The following OTOP2 variants were observed in gnomAD, a reference collection of about 807,000 sequenced individuals.
OTOP2 encodes the protein proton channel OTOP2.
OTOP2 carries 41 observed loss-of-function variants against 47.4 expected under a neutral mutation model. That is an observed-to-expected ratio of 0.87 (90% CI 0.67 to 1.12). The LOEUF (loss-of-function observed/expected upper bound fraction) is 1.12. Ranked by LOEUF, OTOP2 falls within the 50% of genes most tolerant of loss-of-function variation. OTOP2 has a pLI of 0.00. For missense variants in OTOP2, 721 were observed against 752.2 expected (o/e 0.96, Z 0.49); for synonymous variants, 328 against 319.6 (o/e 1.03, Z -0.28).
chr17:74,925,439 C>CT, intron 2 of OTOP2, 117 bp from the exon 3 acceptor site: 2 of 1,359,490 alleles, frequency 1.5e-6, no homozygotes. Context: ...AGTGCACTCA[C>CT]TCACCCATCC....
rs536607581 is a variant in OTOP2 at position 74,925,800 on chromosome 17, G to A, written c.450+108G>A. Reference sequence around the variant, plus strand: ...GAGCTCCATCCGCCTCGTATCCTGAGCTATTAAGTAAACCAGGGACAGGGC... The same window carrying A: ...GAGCTCCATCCGCCTCGTATCCTGAACTATTAAGTAAACCAGGGACAGGGC... On this transcript the variant is annotated intron_variant, in intron 3 of 6. Coordinates refer to ENST00000331427, the MANE Select transcript of OTOP2 (RefSeq NM_178160.3). 3.1e-5 allele frequency: 46 copies of A among 1,485,560 alleles called. No individual in the cohort carries two copies. The South Asian group carries it at 5.1e-4, about 16-fold the overall frequency. The allele number at this position is 1,485,560 out of a possible 1,614,324, so 92.0% of individuals were successfully genotyped here.
chr17:74,930,837 G>A lies in OTOP2; in HGVS notation c.1202G>A (p.Gly401Glu). ...GGCACACCCCAGGACCTGCTGGCAG[G>A]GCTCAACCTCACCCATGCACTGCTC... is the stretch of plus-strand genomic sequence containing the variant. The part of the protein sequence containing the change: ...VAGTPQDLLA[G>E]LNLTHALLMI... Residue 401 changes from glycine (G) to glutamate (E), a missense_variant, in exon 6 of 7, where the codon GGG (glycine) becomes GAG (glutamate). Transcript: ENST00000331427. The surrounding 1 kb of genome is among the most constrained non-coding windows in gnomAD (Gnocchi z 4.0). The A allele has an allele frequency of 6.2e-7, 1 of 1,614,086 alleles. No homozygotes were observed. Among genetic ancestry groups the A allele is most frequent in the Non-Finnish European group, 8.5e-7 (1 of 1,180,016 alleles).
intron 6 of OTOP2, among the ~76,000 whole-genome samples, chr17:74,931,948 T>C: frequency 9.6e-6 from 1 of 104,388 alleles, no homozygotes; most frequent in Admixed American, 1.2e-4. Context: ...AGAGTGACAC[T>C]CTGTCAAAAA....
intron 5 of OTOP2, chr17:74,928,054 G>A (rs1297061017): frequency 1.1e-5 from 5 of 465,398 alleles, no homozygotes; most frequent in African/African-American, 8.1e-5. Flanking sequence ...ACCAAGAAGG[G>A]ACCCAGGACC....
chr17:74,930,275 A>T lies in OTOP2; in HGVS notation c.644-4A>T. Reference sequence around the variant, plus strand: ...GTCCAGCCCTGTGTCTCTCTCCACAACAGAGCATGCAGACAACCCGGTCGG... The same window carrying T: ...GTCCAGCCCTGTGTCTCTCTCCACATCAGAGCATGCAGACAACCCGGTCGG... On this transcript the variant is annotated splice_region_variant and splice_polypyrimidine_tract_variant and intron_variant, in intron 5 of 6. Transcript: ENST00000331427. The surrounding 1 kb of genome is among the most constrained non-coding windows in gnomAD (Gnocchi z 4.0). 1.2e-6 allele frequency: 2 copies of T among 1,610,192 alleles called. No individual in the cohort carries two copies. Among genetic ancestry groups the T allele is most frequent in the African/African-American group, 2.7e-5 (2 of 74,954 alleles).
At chr17:74,928,769 C>T (rs558572061) in intron 5 of OTOP2, among the ~76,000 whole-genome samples, 64 of 152,328 alleles carry the variant, frequency 4.2e-4, no homozygotes, top group African/African-American at 1.5e-3. Context: ...ATTCTCTGGA[C>T]TTCTCTAGGG....
In OTOP2 at chr17:74,930,902, G is replaced by C; in HGVS notation, c.1267G>C (p.Glu423Gln). The change falls in exon 6 of 7, where the codon GAG becomes CAG. Residue 423 changes from glutamate (E) to glutamine (Q), a missense_variant. Physicochemically the swap from Glu to Gln is conservative, Grantham distance 29. Transcript: ENST00000331427. This position sits in a 1 kb window ranked among gnomAD's most constrained non-coding sequence, Gnocchi z 4.0. Reference sequence around the variant, plus strand: ...CACCTTCCAGAACATGTTTATCATCGAGAGCCTTCACCGAGGACCGCCCGG... The same window carrying C: ...CACCTTCCAGAACATGTTTATCATCCAGAGCCTTCACCGAGGACCGCCCGG... ...QHTFQNMFIIESLHRGPPGAE... is the reference protein window; with the variant it reads ...QHTFQNMFIIQSLHRGPPGAE... 1 of 1,613,882 alleles carries C rather than the reference G, an allele frequency of 6.2e-7. No individual in the cohort carries two copies. The highest frequency in any genetic ancestry group is 8.5e-7 in the Non-Finnish European group (1 of 1,179,990).
rs1247133837 is a variant in OTOP2 at position 74,928,019 on chromosome 17, G to A, written c.643+221G>A. ...CTTTTATCCTTGAGGCTGCAGCCCAGGCCCCCCTGTCCAGTCTCCATCCCA... is the reference window on the plus strand; with the variant it reads ...CTTTTATCCTTGAGGCTGCAGCCCAAGCCCCCCTGTCCAGTCTCCATCCCA... On this transcript the variant is annotated intron_variant, in intron 5 of 6. Coordinates refer to ENST00000331427, the MANE Select transcript of OTOP2 (RefSeq NM_178160.3). 2.2e-5 allele frequency: 13 copies of A among 587,846 alleles called. No individual in the cohort carries two copies. The South Asian group carries it at 2.8e-4, about 13-fold the overall frequency. The allele number at this position is 587,846 out of a possible 1,614,324, so 36.4% of individuals were successfully genotyped here. A position where few individuals can be genotyped will look rare whatever the true frequency, so the allele number is the denominator to read the frequency against.
chr17:74,925,009 G>A, intron 2 of OTOP2, 64 bp downstream of exon 2: 1 of 1,465,004 alleles, frequency 6.8e-7, no homozygotes, highest in Non-Finnish European at 9.1e-7. Context: ...TAGGGCTCTC[G>A]CAGGAGTTGC....
intron 5 of OTOP2, 118 bp downstream of exon 5, chr17:74,927,916 A>G: frequency 7.5e-7 from 1 of 1,332,422 alleles, no homozygotes. Flanking sequence ...GGACAGAGCC[A>G]GGGTCCTCCT....
At position 74,927,252 on chromosome 17, in the gene OTOP2, C is replaced by A; in HGVS notation, c.480C>A (p.Asp160Glu). 2 of 1,613,708 alleles carry A rather than the reference C, an allele frequency of 1.2e-6. No individual in the cohort carries two copies. The highest frequency in any genetic ancestry group is 1.7e-6 in the Non-Finnish European group (2 of 1,179,642). Residue 160 changes from aspartate (D) to glutamate (E), a missense_variant, in exon 4 of 7, where the codon GAC (aspartate) becomes GAA (glutamate). Physicochemically the swap from Asp to Glu is conservative, Grantham distance 45. Coordinates refer to ENST00000331427, the MANE Select transcript of OTOP2 (RefSeq NM_178160.3). ...QTYFLWVSAK[D>E]CVHVHLDLTW... is the part of the protein sequence containing the mutation. ...ACTTTCTCTGGGTCTCTGCTAAAGA[C>A]TGCGTTCACGTCCACCTGGATCTGA...
At chr17:74,929,922 C>A (rs1478160108) in intron 5 of OTOP2, among the ~76,000 whole-genome samples, 2 of 152,174 alleles carry the variant, frequency 1.3e-5, no homozygotes, top group East Asian at 1.9e-4. Context: ...GTGGCTCACG[C>A]CTGTAATCCC....
intron 5 of OTOP2, among the ~76,000 whole-genome samples, chr17:74,929,340 G>A (rs2039035066): frequency 6.6e-6 from 1 of 152,136 alleles, no homozygotes; most frequent in Non-Finnish European, 1.5e-5. Flanking sequence ...TCTATCTCAG[G>A]GAGCCAGGGC....
In OTOP2 at chr17:74,933,324, C is replaced by G; in HGVS notation, c.1519-51C>G. 6.4e-7 allele frequency: 1 copy of G among 1,554,356 alleles called. No individual in the cohort carries two copies. The highest frequency in any genetic ancestry group is 8.8e-7 in the Non-Finnish European group (1 of 1,141,254). On this transcript the variant is annotated intron_variant, in intron 6 of 6. Transcript: ENST00000331427. This position sits in a 1 kb window ranked among gnomAD's most constrained non-coding sequence, Gnocchi z 4.7. ...GCCCAGCAAAACCCACAGAAATGAC[C>G]CACAGGCATCCATCCAGGCCAGCTC...
Position 74,927,229 on chromosome 17 carries a change from T to A in OTOP2, c.457T>A (p.Phe153Ile). The A allele has an allele frequency of 6.2e-7, 1 of 1,612,790 alleles. No homozygotes were observed. The highest frequency in any genetic ancestry group is 1.1e-5 in the South Asian group (1 of 91,044). The part of the protein sequence containing the change: ...QAVFVIIQTY[F>I]LWVSAKDCVH... ...CCAATGTCTCTCCATACAGACCTAC[T>A]TTCTCTGGGTCTCTGCTAAAGACTG... is the stretch of plus-strand genomic sequence containing the variant. Residue 153 changes from phenylalanine to isoleucine, a missense_variant, in exon 4 of 7, where the codon TTT (phenylalanine) becomes ATT (isoleucine). Transcript: ENST00000331427.
chr17:74,924,843 C>G lies in OTOP2; in HGVS notation c.211C>G (p.Leu71Val), dbSNP rs758138929. 6.2e-6 allele frequency: 10 copies of G among 1,609,436 alleles called. No individual in the cohort carries two copies. Among genetic ancestry groups the G allele is most frequent in the African/African-American group, 1.3e-5 (1 of 74,892 alleles). Residue 71 changes from leucine (L) to valine (V), a missense_variant, in exon 2 of 7, where the codon CTG becomes GTG. By Grantham distance (32) the Leu-to-Val change is conservative (BLOSUM62 1). Coordinates refer to ENST00000331427, the MANE Select transcript of OTOP2 (RefSeq NM_178160.3). The surrounding 1 kb of genome is among the most constrained non-coding windows in gnomAD (Gnocchi z 7.7). Reference sequence around the variant, plus strand: ...GTTCGCGCTGCTCACTGCGATGATGCTGCTGGCAACGCTCTGGATCCTCTT... The same window carrying G: ...GTTCGCGCTGCTCACTGCGATGATGGTGCTGGCAACGCTCTGGATCCTCTT... ...DVFALLTAMM[L>V]LATLWILFYL...
Position 74,924,368 on chromosome 17 carries a change from G to A in OTOP2, c.-34+35G>A, listed in dbSNP as rs1253420616. 1 of 450,762 alleles carries A rather than the reference G, an allele frequency of 2.2e-6. No individual in the cohort carries two copies. Among genetic ancestry groups the A allele is most frequent in the East Asian group, 3.6e-5 (1 of 27,804 alleles). 27.9% of individuals were successfully genotyped at this position (450,762 alleles called of 1,614,324 possible). A position where few individuals can be genotyped will look rare whatever the true frequency, so the allele number is the denominator to read the frequency against. On this transcript the variant is annotated intron_variant, in intron 1 of 6. Transcript: ENST00000331427. This position sits in a 1 kb window ranked among gnomAD's most constrained non-coding sequence, Gnocchi z 7.7. ...CCGGGCCGGAGGGCAGTCGGACTTG[G>A]GGAGTGGGGACCTTGGAGGGGTCCA... is the stretch of plus-strand genomic sequence containing the variant.
rs2038985304 is a variant in OTOP2, at chr17:74,924,578, TTTGTCCGCTCCTCCCCTACAG to T, written c.-33-20_-33del. The T allele has an allele frequency of 6.9e-7, 1 of 1,451,886 alleles. No homozygotes were observed. The highest frequency in any genetic ancestry group is 1.4e-5 in the African/African-American group (1 of 70,970). The allele number at this position is 1,451,886 out of a possible 1,614,324, so 89.9% of individuals were successfully genotyped here. A position where few individuals can be genotyped will look rare whatever the true frequency, so the allele number is the denominator to read the frequency against. ...AGAGCCGTCAGGGTTGACCTGGAGTTTTGTCCGCTCCTCCCCTACAGTGATCCCTCTAGCCTTCTCCAGTCG... is the reference window on the plus strand; with the variant it reads ...AGAGCCGTCAGGGTTGACCTGGAGTTTGATCCCTCTAGCCTTCTCCAGTCG... On this transcript the variant is annotated splice_acceptor_variant and splice_polypyrimidine_tract_variant and intron_variant, in intron 1 of 6. Coordinates refer to ENST00000331427, the MANE Select transcript of OTOP2 (RefSeq NM_178160.3). LOFTEE classifies it low-confidence loss of function (5UTR_SPLICE). This position sits in a 1 kb window ranked among gnomAD's most constrained non-coding sequence, Gnocchi z 7.7.
Position 74,933,238 on chromosome 17 carries a change from T to G in OTOP2, c.1519-137T>G. On this transcript the variant is annotated intron_variant, in intron 6 of 6. Transcript: ENST00000331427. The surrounding 1 kb of genome is among the most constrained non-coding windows in gnomAD (Gnocchi z 4.7). ...TGTCCAAAATGCTAGAGCTGCCCAT[T>G]CACTGACACCCAGCCCTCCGTGTCC... The G allele has an allele frequency of 9.4e-7, 1 of 1,058,824 alleles. No individual in the cohort carries two copies. The highest frequency in any genetic ancestry group is 1.4e-6 in the Non-Finnish European group (1 of 731,196). The allele number at this position is 1,058,824 out of a possible 1,614,324, so 65.6% of individuals were successfully genotyped here.
Sources: gnomAD v4.1 joint callset for allele counts (sites outside exome capture counted in the v4.1 genomes callset) on GRCh38, gnomAD v4.1.1 for gene constraint, Gnocchi (gnomAD v3.1) non-coding constraint, MANE v1.5 for transcripts, NCBI Gene and HGNC (gene_info 2026-07-23, HGNC 2026-07-21) for gene names.